Variants in BPIFB4 observed in about 807,000 individuals in gnomAD.
BPIFB4 encodes the protein BPI fold-containing family B member 4.
In BPIFB4, 62 loss-of-function variants were observed where a neutral mutation model predicts 69.2. That is an observed-to-expected ratio of 0.90 (90% CI 0.73 to 1.11). The LOEUF (loss-of-function observed/expected upper bound fraction) is 1.11. Among genes scored for constraint, BPIFB4 ranks in the 50% least tolerant of loss-of-function variants. The pLI, the probability that BPIFB4 is intolerant of heterozygous loss-of-function variation, is 0.00. For synonymous variants in BPIFB4, 330 were observed against 332.7 expected (o/e 0.99, Z 0.09); for missense variants, 789 against 792.0 (o/e 1.00, Z 0.04).
At chr20:33,096,713 G>A (rs2146411051) in intron 12 of BPIFB4, among the ~76,000 whole-genome samples, 1 of 152,348 alleles carries the variant, frequency 6.6e-6, no homozygotes. Flanking sequence ...GGGTAGAATA[G>A]GGACTGAGTC....
intron 13 of BPIFB4, among the ~76,000 whole-genome samples, chr20:33,098,187 G>T (rs568363209): frequency 5.4e-4 from 82 of 152,276 alleles, no homozygotes; most frequent in African/African-American, 1.9e-3. Flanking sequence ...TCAGAGCAGT[G>T]CCTGACATAC....
At chr20:33,107,946 C>A in intron 17 of BPIFB4, 126 bp downstream of exon 17, 1 of 787,946 alleles carries the variant, frequency 1.3e-6, no homozygotes. Flanking sequence ...GAAACAGGGT[C>A]CTCTTCCTTC....
chr20:33,101,443 G>A (rs1477859025), intron 14 of BPIFB4, among the ~76,000 whole-genome samples: 2 of 152,168 alleles, frequency 1.3e-5, no homozygotes, highest in Non-Finnish European at 2.9e-5. Flanking sequence ...TGAAAATGGG[G>A]ATAATAGTCA....
chr20:33,100,348 G>A, intron 13 of BPIFB4, 78 bp from the exon 14 acceptor site: 1 of 1,269,200 alleles, frequency 7.9e-7, no homozygotes, highest in Non-Finnish European at 1.1e-6. Context: ...AGCTAGCACT[G>A]GGCACACAAT....
At chr20:33,098,898 T>C (rs1981829306) in intron 13 of BPIFB4, among the ~76,000 whole-genome samples, 1 of 152,092 alleles carries the variant, frequency 6.6e-6, no homozygotes, top group Non-Finnish European at 1.5e-5. Context: ...TGTCAGGCAC[T>C]GTCTGACCTC....
chr20:33,111,285 C>T (rs564037759), intron 17 of BPIFB4, 129 bp from the exon 18 acceptor site: 7 of 1,258,764 alleles, frequency 5.6e-6, no homozygotes, highest in Non-Finnish European at 8.0e-6. Flanking sequence ...TGCATGACCC[C>T]TTTATCTCCG....
At chr20:33,085,936 G>C (rs990879628) in intron 6 of BPIFB4, 85 bp from the exon 7 acceptor site, 1 of 1,478,212 alleles carries the variant, frequency 6.8e-7, no homozygotes, top group African/African-American at 1.4e-5. Context: ...AGATGGCAGG[G>C]ACAGCAAGGA....
chr20:33,083,367 G>T lies in BPIFB4; in HGVS notation c.170G>T (p.Gly57Val). The T allele has an allele frequency of 1.2e-6, 2 of 1,612,266 alleles. No individual in the cohort carries two copies. The highest frequency in any genetic ancestry group is 2.2e-5 in the South Asian group (2 of 91,000). ...LHSALREVPL[G>V]VGDIPYNDFH... ...TACAGACGCATTGAATTCCCCCGAG[G>T]TGTTGGTGATATTCCCTACAATGAC... Residue 57 changes from glycine (G) to valine (V), a missense_variant and splice_region_variant, in exon 5 of 18, where the codon GGT (glycine) becomes GTT (valine). Physicochemically the swap from Gly to Val is moderately radical, Grantham distance 109. Around this residue, in one of 3 missense-constraint regions of BPIFB4, gnomAD observed 611 missense variants for 575.4 expected, o/e 1.06. Coordinates refer to ENST00000375483, the MANE Select transcript of BPIFB4 (RefSeq NM_182519.3).
intron 3 of BPIFB4, 67 bp downstream of exon 3, chr20:33,081,699 G>T (rs1981236779): frequency 6.5e-7 from 1 of 1,535,890 alleles, no homozygotes; most frequent in African/African-American, 1.4e-5. Context: ...CAACTCTGAA[G>T]TACCCAGGAA....
intron 17 of BPIFB4, among the ~76,000 whole-genome samples, chr20:33,110,698 C>CATTT (rs1001150477): frequency 1.3e-5 from 2 of 150,848 alleles, no homozygotes; most frequent in Admixed American, 1.3e-4. Flanking sequence ...CCTTCTCTTC[C>CATTT]ATTTATTTAT....
chr20:33,097,578 C>A, intron 12 of BPIFB4, 39 bp from the exon 13 acceptor site: 1 of 1,595,110 alleles, frequency 6.3e-7, no homozygotes. Flanking sequence ...ACCTCCTATG[C>A]TAAGGGCCCT....
Position 33,097,707 on chromosome 20 carries a change from C to CT in BPIFB4, c.1490dup (p.Val498GlyfsTer25). 1 of 1,614,136 alleles carries CT rather than the reference C, an allele frequency of 6.2e-7. No homozygotes were observed. Among genetic ancestry groups the CT allele is most frequent in the African/African-American group, 1.3e-5 (1 of 75,052 alleles). On this transcript the variant is annotated frameshift_variant, in exon 13 of 18. Transcript: ENST00000375483. LOFTEE classifies it high-confidence loss of function. Reference sequence around the variant, plus strand: ...TGTGATGCTGCAGAAGGACAAAGCGCTGGTGAAGGTGTTGGCCACTGCCGA... The same window carrying CT: ...TGTGATGCTGCAGAAGGACAAAGCGCTTGGTGAAGGTGTTGGCCACTGCCGA...
intron 11 of BPIFB4, 71 bp from the exon 12 acceptor site, chr20:33,095,029 C>T (rs1981717607): frequency 7.1e-7 from 1 of 1,406,494 alleles, no homozygotes; most frequent in Admixed American, 1.7e-5. Flanking sequence ...GGAGTTTAAT[C>T]ACTGTATTAG....
intron 17 of BPIFB4, among the ~76,000 whole-genome samples, chr20:33,111,091 C>T (rs1335164158): frequency 6.6e-6 from 1 of 152,158 alleles, no homozygotes; most frequent in African/African-American, 2.4e-5. Context: ...GTTGGGATTA[C>T]AGGCGTAAGC....
At chr20:33,104,637 C>A in intron 15 of BPIFB4, 173 bp from the exon 16 acceptor site, 1 of 598,598 alleles carries the variant, frequency 1.7e-6, no homozygotes, top group Admixed American at 3.2e-5. Context: ...ATGGGGGGCA[C>A]CTTAAGGCTG....
In BPIFB4 at chr20:33,087,746, AC is replaced by A. The variant is rs1226757516; in HGVS notation, c.927-1219del. Among the ~76,000 whole-genome samples, 7 of 148,816 alleles carry A rather than the reference AC, an allele frequency of 4.7e-5. No homozygotes were observed. The East Asian group carries it at 8.1e-4, about 17-fold the overall frequency. On this transcript the variant is annotated intron_variant, in intron 7 of 17. Coordinates refer to ENST00000375483, the MANE Select transcript of BPIFB4 (RefSeq NM_182519.3). ...CACACACACACACACACACACACAC[AC>A]ACACACAAGCATGCATGCATACACA... is the stretch of plus-strand genomic sequence containing the variant.
chr20:33,100,995 T>C (rs1981893471), intron 14 of BPIFB4, among the ~76,000 whole-genome samples: 1 of 152,102 alleles, frequency 6.6e-6, no homozygotes, highest in Non-Finnish European at 1.5e-5. Context: ...TGGTGAGCTA[T>C]GATTGTGCCA....
chr20:33,095,172 T>C lies in BPIFB4; in HGVS notation c.1398+19T>C, dbSNP rs200104751. 2.0e-3 allele frequency: 3,153 copies of C among 1,585,366 alleles called. 9 individuals are homozygous for C. The highest frequency in any genetic ancestry group is 2.5e-3 in the Non-Finnish European group (2,924 of 1,153,882). On this transcript the variant is annotated intron_variant, in intron 12 of 17. Transcript: ENST00000375483. ...CCCCAAGGTATGTAAGGTGGGCAGG[T>C]CCCATTGCCTTCAGCCTCATTCTCT...
intron 10 of BPIFB4, among the ~76,000 whole-genome samples, chr20:33,092,060 G>A (rs368452829): frequency 1.8e-4 from 27 of 152,186 alleles, no homozygotes; most frequent in African/African-American, 6.3e-4. Context: ...TGTGTAGCGG[G>A]AAGGTGAGAG....
Sources: allele counts gnomAD v4.1 joint callset (sites outside exome capture counted in the v4.1 genomes callset), GRCh38; gene constraint gnomAD v4.1.1; regional missense constraint gnomAD v4.1.1; transcripts MANE v1.5; gene names NCBI Gene and HGNC (gene_info 2026-07-23, HGNC 2026-07-21).